The following LNX1 variants were observed in gnomAD, a reference collection of about 807,000 sequenced individuals.
LNX1 encodes ligand of numb-protein X 1.
A neutral mutation model predicts 68.4 loss-of-function variants in LNX1; 54 were observed. The observed-to-expected ratio is 0.79, with a 90% CI of 0.63 to 0.99. LNX1 has a LOEUF of 0.99. Ranked by LOEUF, LNX1 falls within the 50% of genes least tolerant of loss-of-function variation. LNX1 has a pLI of 0.00. For missense variants in LNX1, 906 were observed against 926.4 expected, an observed-to-expected ratio of 0.98 and a Z score of 0.29; for synonymous variants, 336 against 350.0, an observed-to-expected ratio of 0.96 and a Z score of 0.45.
intron 1 of LNX1, among the ~76,000 whole-genome samples, chr4:53,632,491 G>A (rs143525182): frequency 5.3e-5 from 8 of 152,266 alleles, no homozygotes; most frequent in African/African-American, 1.2e-4. Flanking sequence ...GACAATGATC[G>A]ACTGACTAGG....
intron 2 of LNX1, among the ~76,000 whole-genome samples, chr4:53,557,690 G>A (rs1432367089): frequency 6.6e-6 from 1 of 150,630 alleles, no homozygotes; most frequent in Non-Finnish European, 1.5e-5. Flanking sequence ...TTAATATGGG[G>A]CTTTTTTGTT....
At chr4:53,506,865 A>AAAAAAAAAAAAAAAAAAAT (rs1725924546) in intron 4 of LNX1, among the ~76,000 whole-genome samples, 1 of 148,292 alleles carries the variant, frequency 6.7e-6, no homozygotes, top group South Asian at 2.1e-4. Flanking sequence ...CTAAAAAAAA[A>AAAAAAAAAAAAAAAAAAAT]AAAAAAAAAA....
chr4:53,581,403 ACT>A (rs1403479713), intron 1 of LNX1, among the ~76,000 whole-genome samples: 1 of 152,154 alleles, frequency 6.6e-6, no homozygotes, highest in East Asian at 1.9e-4. Flanking sequence ...AAGGAAACAC[ACT>A]CATCATTTTT....
chr4:53,484,851 G>T (rs1724180423), intron 6 of LNX1, among the ~76,000 whole-genome samples: 9 of 151,978 alleles, frequency 5.9e-5, no homozygotes, highest in Admixed American at 5.9e-4. Flanking sequence ...TTCTGAAAAG[G>T]GCCCAAAAAA....
chr4:53,469,767 T>G (rs1560612427), intron 9 of LNX1, among the ~76,000 whole-genome samples: 2 of 152,126 alleles, frequency 1.3e-5, no homozygotes, highest in Non-Finnish European at 2.9e-5. Context: ...CCTCGACACA[T>G]ACACCCTCCC....
chr4:53,564,747 T>A (rs1162576090), intron 2 of LNX1, among the ~76,000 whole-genome samples: 3 of 152,010 alleles, frequency 2.0e-5, no homozygotes, highest in Admixed American at 6.6e-5. Context: ...TTCATCTCAC[T>A]AGGGAGTGCC....
At chr4:53,473,227 G>A (rs987981629) in intron 9 of LNX1, among the ~76,000 whole-genome samples, 1 of 152,112 alleles carries the variant, frequency 6.6e-6, no homozygotes, top group Non-Finnish European at 1.5e-5. Flanking sequence ...GAAGAAATGA[G>A]CCAATGGAAC....
rs543878810 is a variant in LNX1 at position 53,472,691 on chromosome 4, A to C, written c.1892+4062T>G. ...ACAACAACAACAACAACAACAAAAAAAAAAAAAACAAAAAACAATGGGGAA... is the reference window on the plus strand; with the variant it reads ...ACAACAACAACAACAACAACAAAAACAAAAAAAACAAAAAACAATGGGGAA... On this transcript the variant is annotated intron_variant, in intron 9 of 10. Coordinates refer to ENST00000263925, the MANE Select transcript of LNX1 (RefSeq NM_001126328.3). Among the ~76,000 whole-genome samples the C allele has an allele frequency of 7.7e-3, 1,064 of 137,438 alleles. 9 individuals carry two copies. The highest frequency in any genetic ancestry group is 0.047 in the Middle Eastern group (13 of 274). 90.2% of individuals were successfully genotyped at this position (137,438 alleles called of 152,430 possible).
At chr4:53,517,746 T>C (rs1726891595) in intron 2 of LNX1, among the ~76,000 whole-genome samples, 3 of 152,088 alleles carry the variant, frequency 2.0e-5, no homozygotes, top group Admixed American at 6.5e-5. Context: ...CTGAATTACA[T>C]GGCTGCTCAC....
In LNX1 at chr4:53,576,096, C is replaced by A. The variant is rs539037422; in HGVS notation, c.-86-2008G>T. The A allele has an allele frequency of 2.0e-4, 314 of 1,551,926 alleles. 3 individuals are homozygous for A. In the South Asian group the frequency reaches 3.6e-3, roughly 18 times the overall value. ...AAGACCTGGTCGGGGACTTGGCCAG[C>A]GTGGTATTTGGGAGCCAGCGGCCCC... On this transcript the variant is annotated intron_variant, in intron 1 of 10. Coordinates refer to ENST00000263925, the MANE Select transcript of LNX1 (RefSeq NM_001126328.3).
chr4:53,472,807 A>G (rs1385060996), intron 9 of LNX1, among the ~76,000 whole-genome samples: 1 of 151,852 alleles, frequency 6.6e-6, no homozygotes, highest in African/African-American at 2.4e-5. Context: ...GGGAAGGCTG[A>G]TAAAAGAGAT....
chr4:53,583,932 AAACAACAACAACAACAACAACAAC>A (rs57272023), intron 1 of LNX1, among the ~76,000 whole-genome samples: 2 of 149,768 alleles, frequency 1.3e-5, no homozygotes, highest in African/African-American at 2.5e-5. Flanking sequence ...GACCCCCTGC[AAACAACAACAACAACAACAACAAC>A]AACAACAACA....
intron 1 of LNX1, chr4:53,576,159 G>A (rs1295427922): frequency 1.3e-6 from 2 of 1,569,260 alleles, no homozygotes; most frequent in East Asian, 2.4e-5. Context: ...GGGCCTGGCT[G>A]CCCCATGTTG....
chr4:53,459,593 A>G lies in LNX1; in HGVS notation c.*1314T>C. 8.5e-7 allele frequency: 1 copy of G among 1,182,088 alleles called. No individual in the cohort carries two copies. Among genetic ancestry groups the G allele is most frequent in the Non-Finnish European group, 1.2e-6 (1 of 822,558 alleles). 73.2% of individuals were successfully genotyped at this position (1,182,088 alleles called of 1,614,324 possible). On this transcript the variant is annotated 3_prime_UTR_variant, in exon 11 of 11. Coordinates refer to ENST00000263925, the MANE Select transcript of LNX1 (RefSeq NM_001126328.3). ...AAGTTAACTTTTTTTCCAAAATAAA[A>G]GAGTGAATTTTTCATGTTAAGTTAA...
At chr4:53,612,426 T>C (rs1733530134) in intron 2 of LNX1, among the ~76,000 whole-genome samples, 1 of 152,244 alleles carries the variant, frequency 6.6e-6, no homozygotes, top group African/African-American at 2.4e-5. Context: ...CAAGGTGTTT[T>C]AGCTTGCTTC....
intron 1 of LNX1, among the ~76,000 whole-genome samples, chr4:53,634,256 T>C (rs1436548945): frequency 6.6e-6 from 1 of 151,676 alleles, no homozygotes; most frequent in African/African-American, 2.4e-5. Context: ...GCTTGGCTTT[T>C]TTTTTTTTTG....
intron 1 of LNX1, among the ~76,000 whole-genome samples, chr4:53,647,466 A>T (rs918218537): frequency 6.6e-6 from 1 of 152,162 alleles, no homozygotes; most frequent in Non-Finnish European, 1.5e-5. Flanking sequence ...AATGATGGAG[A>T]ATATGACCAA....
At chr4:53,543,178 C>T (rs967057339) in intron 2 of LNX1, among the ~76,000 whole-genome samples, 6 of 152,198 alleles carry the variant, frequency 3.9e-5, no homozygotes, top group East Asian at 3.8e-4. Context: ...TACTGTTATC[C>T]GAAGGTCAGT....
At chr4:53,516,197 G>A (rs187994192) in intron 2 of LNX1, among the ~76,000 whole-genome samples, 38 of 152,166 alleles carry the variant, frequency 2.5e-4, no homozygotes, top group Admixed American at 2.4e-3. Context: ...GGCCATGACT[G>A]GGCTACTGCA....
Sources: gnomAD v4.1 joint callset for allele counts (sites outside exome capture counted in the v4.1 genomes callset) on GRCh38, gnomAD v4.1.1 for gene constraint, MANE v1.5 for transcripts, NCBI Gene and HGNC (gene_info 2026-07-23, HGNC 2026-07-21) for gene names.